The following CEBPZ variants were observed in gnomAD, a reference collection of about 807,000 sequenced individuals.
The protein encoded by CEBPZ is CCAAT enhancer binding protein zeta.
In CEBPZ, 78 loss-of-function variants were observed where a neutral mutation model predicts 104.5. The observed-to-expected ratio is 0.75, with a 90% CI of 0.62 to 0.90. The LOEUF (loss-of-function observed/expected upper bound fraction) is 0.90. CEBPZ is among the 40% of genes least tolerant of loss of function. CEBPZ has a pLI of 0.00. For synonymous variants in CEBPZ, 470 were observed against 427.0 expected (o/e 1.10, Z -1.24); for missense variants, 1,439 against 1,233.5 (o/e 1.17, Z -2.50).
intron 10 of CEBPZ, among the ~76,000 whole-genome samples, chr2:37,212,973 AGGCTGCAG>A (rs1165187783): frequency 1.3e-5 from 2 of 151,742 alleles, no homozygotes; most frequent in South Asian, 2.1e-4. Context: ...CAGAAGGTCT[AGGCTGCAG>A]GGCTGCAGTG....
intron 13 of CEBPZ, among the ~76,000 whole-genome samples, chr2:37,208,060 T>C (rs1347956272): frequency 2.0e-5 from 3 of 152,036 alleles, no homozygotes; most frequent in Admixed American, 2.0e-4. Flanking sequence ...GAAAAATGGA[T>C]AAATTCCTGG....
rs755499929 is a variant in CEBPZ, at chr2:37,216,975, T to C, written c.2208+9A>G. On this transcript the variant is annotated intron_variant, in intron 6 of 15. Transcript: ENST00000234170. ...TTATTTCTCATCTTTGGATTTATTT[T>C]AGACTCACCTGAAGGATGGTCTTTG... 6.2e-7 allele frequency: 1 copy of C among 1,605,790 alleles called. No individual in the cohort carries two copies. Among genetic ancestry groups the C allele is most frequent in the Non-Finnish European group, 8.5e-7 (1 of 1,172,964 alleles).
intron 12 of CEBPZ, 22 bp from the exon 13 acceptor site, chr2:37,211,104 T>C (rs770954341): frequency 6.5e-7 from 1 of 1,534,722 alleles, no homozygotes; most frequent in Non-Finnish European, 8.9e-7. Flanking sequence ...AAAAATTTGC[T>C]AATAAGCAAT....
rs140621793 is a variant in CEBPZ at position 37,219,223 on chromosome 2, C to A, written c.2154+1162G>T. On this transcript the variant is annotated intron_variant, in intron 5 of 15. Coordinates refer to ENST00000234170, the MANE Select transcript of CEBPZ (RefSeq NM_005760.3). Reference sequence around the variant, plus strand: ...AAAGAGCAGCTAGATGAGCTTGCAACAACTGGTAAGCACTTGTCCTTGAGA... The same window carrying A: ...AAAGAGCAGCTAGATGAGCTTGCAAAAACTGGTAAGCACTTGTCCTTGAGA... Among the ~76,000 whole-genome samples, 37 of 152,308 alleles carry A rather than the reference C, an allele frequency of 2.4e-4. 1 individual carries two copies. Among genetic ancestry groups the A allele is most frequent in the Admixed American group, 8.5e-4 (13 of 15,296 alleles).
intron 4 of CEBPZ, among the ~76,000 whole-genome samples, chr2:37,221,480 A>G (rs1664770056): frequency 6.6e-6 from 1 of 152,222 alleles, no homozygotes; most frequent in Non-Finnish European, 1.5e-5. Context: ...AGTGCTTCAA[A>G]TATTTGTCAT....
intron 5 of CEBPZ, among the ~76,000 whole-genome samples, chr2:37,217,557 A>G (rs1039735456): frequency 5.9e-5 from 9 of 152,222 alleles, no homozygotes; most frequent in Non-Finnish European, 1.0e-4. Flanking sequence ...ACAGACACCT[A>G]TGTTATAAAA....
At chr2:37,224,395 CCTTT>C (rs1488614982) in intron 2 of CEBPZ, among the ~76,000 whole-genome samples, 1 of 152,200 alleles carries the variant, frequency 6.6e-6, no homozygotes, top group African/African-American at 2.4e-5. Flanking sequence ...ATCATTACTT[CCTTT>C]GTTTTAAGCA....
At chr2:37,211,585 T>G in intron 12 of CEBPZ, 1 of 381,510 alleles carries the variant, frequency 2.6e-6, no homozygotes. Context: ...CAGCTCAACA[T>G]GTATTGTACA....
intron 2 of CEBPZ, among the ~76,000 whole-genome samples, chr2:37,225,141 G>A (rs1664851950): frequency 6.6e-6 from 1 of 152,142 alleles, no homozygotes; most frequent in Non-Finnish European, 1.5e-5. Context: ...CAAATTAACA[G>A]TGTTAAGTTA....
At chr2:37,226,030 G>A (rs1319047377) in intron 2 of CEBPZ, among the ~76,000 whole-genome samples, 2 of 148,846 alleles carry the variant, frequency 1.3e-5, no homozygotes, top group South Asian at 2.2e-4. Context: ...TTGTTCACGT[G>A]TTTGTCTGCT....
At chr2:37,206,927 T>C (rs1436269262) in intron 13 of CEBPZ, among the ~76,000 whole-genome samples, 1 of 152,052 alleles carries the variant, frequency 6.6e-6, no homozygotes, top group Non-Finnish European at 1.5e-5. Context: ...ACATAAGGAC[T>C]CACATAAACT....
rs200073660 is a variant in CEBPZ, at chr2:37,216,411, T to G, written c.2216A>C (p.Tyr739Ser). The change falls in exon 7 of 16, where the codon TAT becomes TCT. Residue 739 changes from tyrosine (Y) to serine (S), a missense_variant. By Grantham distance (144) the Tyr-to-Ser change is moderately radical. Transcript: ENST00000234170. ...CAGTGGGTCCCCTGAATACTGAATA[T>G]AGTTTCCCTGAAAAGTGGAGCGGGG... ...LFAKTILQGNYIQYSGDPLQD... is the reference protein window; with the variant it reads ...LFAKTILQGNSIQYSGDPLQD... 6.2e-7 allele frequency: 1 copy of G among 1,607,600 alleles called. No individual in the cohort carries two copies. Among genetic ancestry groups the G allele is most frequent in the Non-Finnish European group, 8.5e-7 (1 of 1,176,790 alleles).
In CEBPZ at chr2:37,230,351, T is replaced by A. The variant is rs80128773; in HGVS notation, c.156+1061A>T. Among the ~76,000 whole-genome samples, 735 of 152,296 alleles carry A rather than the reference T, an allele frequency of 4.8e-3. 8 individuals carry two copies. Among genetic ancestry groups the A allele is most frequent in the African/African-American group, 0.017 (703 of 41,574 alleles). ...TATAGTATCCCTGAAAGATATAAAA[T>A]GCAGTTGTAAAAATAATTGCTTCCT... is the stretch of plus-strand genomic sequence containing the variant. On this transcript the variant is annotated intron_variant, in intron 1 of 15. Transcript: ENST00000234170.
At chr2:37,206,087 C>T (rs542994838) in intron 13 of CEBPZ, among the ~76,000 whole-genome samples, 3 of 152,288 alleles carry the variant, frequency 2.0e-5, no homozygotes, top group African/African-American at 4.8e-5. Flanking sequence ...GAGTGGGCAC[C>T]ATCCAATCTG....
intron 8 of CEBPZ, chr2:37,215,509 C>A (rs749744829): frequency 2.6e-5 from 4 of 152,324 alleles, no homozygotes; most frequent in African/African-American, 4.8e-5. Flanking sequence ...TTCTAACTTA[C>A]TAACTGTGGG....
At chr2:37,218,230 G>A (rs890416623) in intron 5 of CEBPZ, among the ~76,000 whole-genome samples, 4 of 151,216 alleles carry the variant, frequency 2.6e-5, no homozygotes, top group South Asian at 2.1e-4. Flanking sequence ...TCGCACCACC[G>A]CACTCCAGCC....
In CEBPZ at chr2:37,213,900, C is replaced by G; in HGVS notation, c.2509G>C (p.Glu837Gln). ...QKRDADEESIEDVDDEEFEEL... is the reference protein window; with the variant it reads ...QKRDADEESIQDVDDEEFEEL... ...TCAAATTCTTCATCATCCACGTCTT[C>G]TATACTTTCTTCATCTGCATCCCGT... The change falls in exon 10 of 16, where the codon GAA becomes CAA. Residue 837 changes from glutamate to glutamine, a missense_variant. Coordinates refer to ENST00000234170, the MANE Select transcript of CEBPZ (RefSeq NM_005760.3). The G allele has an allele frequency of 3.7e-6, 6 of 1,602,894 alleles. No individual in the cohort carries two copies. The highest frequency in any genetic ancestry group is 5.1e-6 in the Non-Finnish European group (6 of 1,176,334).
chr2:37,214,452 T>C (rs1391770018), intron 9 of CEBPZ, among the ~76,000 whole-genome samples: 1 of 152,162 alleles, frequency 6.6e-6, no homozygotes, highest in Non-Finnish European at 1.5e-5. Context: ...GTTATCACTA[T>C]ATTAAACTTA....
At chr2:37,212,495 G>A in intron 10 of CEBPZ, 103 bp from the exon 11 acceptor site, 1 of 994,444 alleles carries the variant, frequency 1.0e-6, no homozygotes, top group South Asian at 1.4e-5. Flanking sequence ...TGCTGTTTAT[G>A]ACAAGTGAAC....
Sources: allele counts gnomAD v4.1 joint callset (sites outside exome capture counted in the v4.1 genomes callset), GRCh38; gene constraint gnomAD v4.1.1; transcripts MANE v1.5; gene names NCBI Gene and HGNC (gene_info 2026-07-23, HGNC 2026-07-21).